Variants in FAT2 observed in about 807,000 individuals in gnomAD.
The protein encoded by FAT2 is protocadherin Fat 2.
FAT2 carries 150 observed loss-of-function variants against 295.3 expected under a neutral mutation model. That is an observed-to-expected ratio of 0.51 (90% confidence interval 0.44 to 0.58). FAT2 has a LOEUF of 0.58. Among genes scored for constraint, FAT2 ranks in the 20% least tolerant of loss-of-function variants. The probability of loss-of-function intolerance (pLI) is 0.00; values close to 1 mark genes in which losing one functional copy is unlikely to be tolerated. For missense variants in FAT2, 4,868 were observed against 5,442.7 expected, an observed-to-expected ratio of 0.89 and a Z score of 3.32; for synonymous variants, 2,026 against 2,150.3, an observed-to-expected ratio of 0.94 and a Z score of 1.60.
chr5:151,553,791 T>C (rs1757437960), intron 5 of FAT2, among the ~76,000 whole-genome samples: 1 of 152,224 alleles, frequency 6.6e-6, no homozygotes, highest in African/African-American at 2.4e-5. Flanking sequence ...TTGTGCGCAA[T>C]ATCTGATTTA....
chr5:151,529,586 T>C lies in FAT2; in HGVS notation c.9812-194A>G, dbSNP rs187378056. ...CCCCATCATCTCCCTCATTTTTCTT[T>C]ATTATTATTCACAACAGCTATGTTT... On this transcript the variant is annotated intron_variant, in intron 14 of 23. Coordinates refer to ENST00000261800, the MANE Select transcript of FAT2 (RefSeq NM_001447.3). Among the ~76,000 whole-genome samples, 211 of 152,328 alleles carry C rather than the reference T, an allele frequency of 1.4e-3. 1 individual carries two copies. The highest frequency in any genetic ancestry group is 0.013 in the South Asian group (61 of 4,826).
At chr5:151,529,460 T>A in intron 14 of FAT2, 68 bp from the exon 15 acceptor site, 1 of 1,391,876 alleles carries the variant, frequency 7.2e-7, no homozygotes, top group Non-Finnish European at 1.0e-6. Context: ...ACTGAGGGTC[T>A]GAGCCCAGCC....
Position 151,556,404 on chromosome 5 carries a change from T to G in FAT2, c.3575-2A>C. 1.9e-6 allele frequency: 3 copies of G among 1,612,462 alleles called. No homozygotes were observed. The highest frequency in any genetic ancestry group is 2.5e-6 in the Non-Finnish European group (3 of 1,179,002). On this transcript the variant is annotated splice_acceptor_variant, in intron 3 of 23. Coordinates refer to ENST00000261800, the MANE Select transcript of FAT2 (RefSeq NM_001447.3). LOFTEE classifies it high-confidence loss of function. ...GCTGCTGGGCTGTAGATAGGAGACC[T>G]GAGAGAGAGATGATAAGGGAGAGAC...
At chr5:151,577,758 T>C (rs919831616) in intron 1 of FAT2, among the ~76,000 whole-genome samples, 3 of 152,152 alleles carry the variant, frequency 2.0e-5, no homozygotes, top group Non-Finnish European at 2.9e-5. Context: ...CAGATCCTGA[T>C]ACGCAATGAG....
In FAT2 at chr5:151,521,805, G is replaced by A; in HGVS notation, c.10788C>T (p.Gly3596=). The change falls in exon 19 of 24, where the codon GGC becomes GGT. Residue 3596 remains glycine, a synonymous_variant. Transcript: ENST00000261800. ...TGACCGTGACGTTGAACGAGTAGTG[G>A]CCACGAGGCAGGCCCTGGGCGGCGA... ...KIIAAQGLPR[G]HYSFNVTVSD... 1.9e-6 allele frequency: 3 copies of A among 1,614,184 alleles called. No individual in the cohort carries two copies. The highest frequency in any genetic ancestry group is 2.2e-5 in the East Asian group (1 of 44,876).
In FAT2 at chr5:151,540,550, C is replaced by A. The variant is rs554451082; in HGVS notation, c.9039+17G>T. ...CCTTGCCTTCACTACCCACTCCACC[C>A]CTCGCCAGGCTCTCACCTGTGAACA... On this transcript the variant is annotated intron_variant, in intron 11 of 23. Coordinates refer to ENST00000261800, the MANE Select transcript of FAT2 (RefSeq NM_001447.3). 28 of 1,599,910 alleles carry A rather than the reference C, an allele frequency of 1.8e-5. No homozygotes were observed. In the Admixed American group the frequency reaches 3.5e-4, roughly 20 times the overall value.
intron 9 of FAT2, among the ~76,000 whole-genome samples, 170 bp downstream of exon 9, chr5:151,549,125 C>T (rs768026964): frequency 6.6e-6 from 1 of 152,090 alleles, no homozygotes; most frequent in African/African-American, 2.4e-5. Flanking sequence ...TTATTACTAC[C>T]TTTGGAAGTG....
At chr5:151,515,024 AT>A (rs1247108929) in intron 20 of FAT2, among the ~76,000 whole-genome samples, 2 of 152,090 alleles carry the variant, frequency 1.3e-5, no homozygotes, top group African/African-American at 2.4e-5. Context: ...TTCCAGCCAG[AT>A]ATTTTCCTTC....
intron 2 of FAT2, among the ~76,000 whole-genome samples, chr5:151,564,929 C>T (rs1164017076): frequency 1.3e-5 from 2 of 152,016 alleles, no homozygotes; most frequent in Non-Finnish European, 2.9e-5. Context: ...AAAAGTTAGC[C>T]GGGCATGGTG....
At chr5:151,534,970 A>AAAAT (rs1554127245) in intron 12 of FAT2, among the ~76,000 whole-genome samples, 2 of 106,390 alleles carry the variant, frequency 1.9e-5, no homozygotes, top group African/African-American at 3.0e-5. Context: ...CTTCTAGGAA[A>AAAAT]ATATATATAT....
Position 151,521,922 on chromosome 5 carries a change from G to A in FAT2, c.10671C>T (p.Asp3557=), listed in dbSNP as rs2127580327. Residue 3557 remains aspartate (D), a synonymous_variant, in exon 19 of 24, where the codon GAC becomes GAT. Coordinates refer to ENST00000261800, the MANE Select transcript of FAT2 (RefSeq NM_001447.3). ...GGMVGKIHAT[D]RDPQDTLTYS... is the part of the protein sequence containing the mutation. ...AGGTCAGCGTGTCCTGGGGGTCTCG[G>A]TCTGTGGCATGGATCTTACCCACCA... 6.2e-7 allele frequency: 1 copy of A among 1,614,004 alleles called. No individual in the cohort carries two copies.
intron 1 of FAT2, among the ~76,000 whole-genome samples, chr5:151,590,160 C>T (rs1328503529): frequency 9.2e-5 from 14 of 152,220 alleles, no homozygotes; most frequent in Non-Finnish European, 1.6e-4. Context: ...GCTGTAATAA[C>T]TCTTAGTAGC....
In FAT2 at chr5:151,529,217, C is replaced by T. The variant is rs771171609; in HGVS notation, c.9987G>A (p.Arg3329=). Reference sequence around the variant, plus strand: ...CACCCACAAGGGCATTCTCTAAGACCCTTGTGCTATATGGATCTTGGGGGA... The same window carrying T: ...CACCCACAAGGGCATTCTCTAAGACTCTTGTGCTATATGGATCTTGGGGGA... ...PQFPQDPYST[R]VLENALVGDV... The change falls in exon 15 of 24, where the codon AGG becomes AGA. Residue 3329 remains arginine (R), a synonymous_variant. Transcript: ENST00000261800. The T allele has an allele frequency of 2.5e-6, 4 of 1,614,064 alleles. No homozygotes were observed. The Admixed American group carries it at 5.0e-5, about 20-fold the overall frequency.
Position 151,507,465 on chromosome 5 carries a change from T to A in FAT2, c.12206A>T (p.Tyr4069Phe), listed in dbSNP as rs1320947638. 6.2e-7 allele frequency: 1 copy of A among 1,614,068 alleles called. No individual in the cohort carries two copies. Among genetic ancestry groups the A allele is most frequent in the Non-Finnish European group, 8.5e-7 (1 of 1,179,980 alleles). Reference protein sequence around the residue: ...IIISTVGLLFYCRRCKSHKPV... With the variant: ...IIISTVGLLFFCRRCKSHKPV... ...CTTGTGAGACTTGCAACGGCGGCAG[T>A]AGAAGAGAAGCCCGACAGTGCTTAT... The change falls in exon 23 of 24, where the codon TAC becomes TTC. Residue 4069 changes from tyrosine to phenylalanine, a missense_variant. Physicochemically the swap from Tyr to Phe is conservative, Grantham distance 22. Transcript: ENST00000261800.
At chr5:151,549,548 T>C (rs748998749) in intron 8 of FAT2, 43 bp from the exon 9 acceptor site, 3 of 1,573,358 alleles carry the variant, frequency 1.9e-6, no homozygotes, top group Non-Finnish European at 2.6e-6. Flanking sequence ...GCAAATGGAA[T>C]AGGAGGAGGC....
rs779513444 is a variant in FAT2 at position 151,525,810 on chromosome 5, G to T, written c.10464C>A (p.Gly3488=). The T allele has an allele frequency of 6.2e-7, 1 of 1,614,104 alleles. No homozygotes were observed. Among genetic ancestry groups the T allele is most frequent in the South Asian group, 1.1e-5 (1 of 91,064 alleles). The change falls in exon 18 of 24, where the codon GGC becomes GGA. Residue 3488 remains glycine (G), a synonymous_variant. Transcript: ENST00000261800. ...ACCATTCCTGAGCCCTCCTGCTTAG[G>T]CCCTCAGCAGTCACCAGCCATCCAT... ...TPDGWLVTAE[G]LSRRAQEWYQ...
Position 151,531,891 on chromosome 5 carries a change from G to T in FAT2, c.9507C>A (p.Ile3169=), listed in dbSNP as rs1413483749. The change falls in exon 14 of 24, where the codon ATC becomes ATA. Residue 3169 remains isoleucine (I), a synonymous_variant. Transcript: ENST00000261800. The surrounding 1 kb of genome is among the most constrained non-coding windows in gnomAD (Gnocchi z 5.7). ...HFSIDATTGV[I]RLEKPLQVRP... ...TGACCTGCAGCGGCTTTTCCAGGCG[G>T]ATCACCCCCGTGGTGGCGTCGATGG... The T allele has an allele frequency of 6.2e-7, 1 of 1,614,194 alleles. No homozygotes were observed. The highest frequency in any genetic ancestry group is 1.1e-5 in the South Asian group (1 of 91,084).
At chr5:151,565,300 G>T (rs1008034133) in intron 2 of FAT2, among the ~76,000 whole-genome samples, 3 of 151,770 alleles carry the variant, frequency 2.0e-5, no homozygotes, top group Non-Finnish European at 4.4e-5. Flanking sequence ...TGATATATAA[G>T]ATACAAAGAA....
At chr5:151,581,487 C>T (rs922485274) in intron 1 of FAT2, among the ~76,000 whole-genome samples, 1 of 152,144 alleles carries the variant, frequency 6.6e-6, no homozygotes, top group African/African-American at 2.4e-5. Flanking sequence ...CGCTAGAGGC[C>T]CTGAAGATGG....
Sources: gnomAD v4.1 joint callset for allele counts (sites outside exome capture counted in the v4.1 genomes callset) on GRCh38, gnomAD v4.1.1 for gene constraint, Gnocchi (gnomAD v3.1) non-coding constraint, MANE v1.5 for transcripts, NCBI Gene and HGNC (gene_info 2026-07-23, HGNC 2026-07-21) for gene names.